Variants in ALG1L2 observed in about 807,000 individuals in gnomAD.
The protein encoded by ALG1L2 is putative glycosyltransferase ALG1L2.
In ALG1L2, 32 loss-of-function variants were observed where a neutral mutation model predicts 29.0. The observed-to-expected ratio is 1.10, with a 90% confidence interval of 0.83 to 1.48. The LOEUF is 1.48. Among genes scored for constraint, ALG1L2 ranks in the 40% most tolerant of loss-of-function variants. The pLI is 0.00. For synonymous variants in ALG1L2, 110 were observed against 109.5 expected, an observed-to-expected ratio of 1.00 and a Z score of -0.03; for missense variants, 318 against 274.1, an observed-to-expected ratio of 1.16 and a Z score of -1.13.
intron 1 of ALG1L2, chr3:130,090,985 C>T: frequency 2.3e-6 from 1 of 438,090 alleles, no homozygotes; most frequent in African/African-American, 2.0e-5. Flanking sequence ...TCTTATCTGT[C>T]CTGTTGTCCA....
intron 1 of ALG1L2, among the ~76,000 whole-genome samples, chr3:130,086,314 C>A (rs147898001): frequency 0.22 from 26,498 of 122,008 alleles, 968 homozygotes; most frequent in Middle Eastern, 0.25. Flanking sequence ...AAGTGTCAAG[C>A]CAGGCATCAC....
chr3:130,096,508 G>A (rs1293461543), intron 6 of ALG1L2, among the ~76,000 whole-genome samples: 4 of 151,844 alleles, frequency 2.6e-5, no homozygotes, highest in Non-Finnish European at 5.9e-5. Flanking sequence ...AGTAGAATTG[G>A]CGGGAATTGC....
intron 1 of ALG1L2, among the ~76,000 whole-genome samples, chr3:130,088,758 T>C (rs889876833): frequency 6.6e-6 from 1 of 152,282 alleles, no homozygotes; most frequent in Non-Finnish European, 1.5e-5. Flanking sequence ...CCTGCACAAC[T>C]CTCTTGCCTG....
At chr3:130,092,450 T>A (rs1435888165) in intron 3 of ALG1L2, among the ~76,000 whole-genome samples, 1 of 152,130 alleles carries the variant, frequency 6.6e-6, no homozygotes, top group Non-Finnish European at 1.5e-5. Context: ...AGAAAGTAGG[T>A]GTGTGGCTGC....
chr3:130,091,381 C>A lies in ALG1L2; in HGVS notation c.131+10C>A, dbSNP rs772933598. 24 of 1,595,166 alleles carry A rather than the reference C, an allele frequency of 1.5e-5. No homozygotes were observed. The Admixed American group carries it at 1.8e-4, about 12-fold the overall frequency. ...CTCCGTTCAGGGCCCGGTAGGCCTC[C>A]CACCCTCAGCTGCCTTCTCTCCTGC... On this transcript the variant is annotated intron_variant, in intron 2 of 7. Transcript: ENST00000425059.
At chr3:130,085,469 T>C (rs1934869913) in intron 1 of ALG1L2, among the ~76,000 whole-genome samples, 1 of 130,966 alleles carries the variant, frequency 7.6e-6, no homozygotes, top group African/African-American at 2.5e-5. Flanking sequence ...AAACTTGGCC[T>C]CAAGTGATCC....
intron 4 of ALG1L2, among the ~76,000 whole-genome samples, chr3:130,093,695 A>C (rs1438254526): frequency 6.6e-6 from 1 of 152,174 alleles, no homozygotes; most frequent in Non-Finnish European, 1.5e-5. Flanking sequence ...ATATGCTGAA[A>C]TTATAGATAT....
rs189708058 is a variant in ALG1L2 at position 130,084,891 on chromosome 3, A to G, written c.20+2855A>G. Among the ~76,000 whole-genome samples, 67 of 130,486 alleles carry G rather than the reference A, an allele frequency of 5.1e-4. No individual in the cohort carries two copies. The East Asian group carries it at 0.014, about 26-fold the overall frequency. The allele number at this position is 130,486 out of a possible 152,430, so 85.6% of individuals were successfully genotyped here. A position where few individuals can be genotyped will look rare whatever the true frequency, so the allele number is the denominator to read the frequency against. On this transcript the variant is annotated intron_variant, in intron 1 of 7. Coordinates refer to ENST00000425059, the MANE Select transcript of ALG1L2 (RefSeq NM_001136152.1). Reference sequence around the variant, plus strand: ...TCCATATATCTATGTCTATATCTACACACAAAAATACACATATATGTAGTG... The same window carrying G: ...TCCATATATCTATGTCTATATCTACGCACAAAAATACACATATATGTAGTG...
rs368914123 is a variant in ALG1L2, at chr3:130,092,182, C to A, written c.213C>A (p.His71Gln). ...DSGSGLVTRL[H>Q]ERPALLVSST... ...GGAGCGGGCTGGTGACGCGTCTCCA[C>A]GAGCGGCCAGCCCTGCTGGTCAGCA... is the stretch of plus-strand genomic sequence containing the variant. The change falls in exon 3 of 8, where the codon CAC becomes CAA. Residue 71 changes from histidine (H) to glutamine (Q), a missense_variant. Coordinates refer to ENST00000425059, the MANE Select transcript of ALG1L2 (RefSeq NM_001136152.1). 3 of 1,612,338 alleles carry A rather than the reference C, an allele frequency of 1.9e-6. No individual in the cohort carries two copies. Among genetic ancestry groups the A allele is most frequent in the Admixed American group, 1.7e-5 (1 of 59,906 alleles).
At position 130,083,411 on chromosome 3, in the gene ALG1L2, C is replaced by T. The variant is rs540952647; in HGVS notation, c.20+1375C>T. Among the ~76,000 whole-genome samples, 17 of 128,748 alleles carry T rather than the reference C, an allele frequency of 1.3e-4. 4 individuals are homozygous for T. In the South Asian group the frequency reaches 4.3e-3, roughly 32 times the overall value. 84.5% of individuals were successfully genotyped at this position (128,748 alleles called of 152,430 possible). On this transcript the variant is annotated intron_variant, in intron 1 of 7. Transcript: ENST00000425059. ...GTGAGCTGAGATCTCACCCTGCACT[C>T]CAGCCTGGGCAAGAGAGCAAGACTC...
chr3:130,083,211 C>T (rs200242399), intron 1 of ALG1L2, among the ~76,000 whole-genome samples: 3,905 of 134,292 alleles, frequency 0.029, 31 homozygotes, highest in African/African-American at 0.062. Flanking sequence ...TTTGGGGGGC[C>T]GAGGTGGGTG....
intron 1 of ALG1L2, among the ~76,000 whole-genome samples, chr3:130,082,262 C>T (rs370532584): frequency 7.9e-5 from 11 of 139,802 alleles, no homozygotes; most frequent in Admixed American, 1.5e-4. Context: ...CACAGGGTCC[C>T]GAGCTGAGAG....
At chr3:130,094,714 C>G (rs1577329723) in intron 5 of ALG1L2, among the ~76,000 whole-genome samples, 1 of 152,192 alleles carries the variant, frequency 6.6e-6, no homozygotes, top group African/African-American at 2.4e-5. Flanking sequence ...GGCCCTTTAC[C>G]AAGGGGTTTG....
chr3:130,085,342 T>C (rs371587441), intron 1 of ALG1L2, among the ~76,000 whole-genome samples: 2 of 123,824 alleles, frequency 1.6e-5, no homozygotes, highest in Non-Finnish European at 1.8e-5. Flanking sequence ...GTGATCCTCC[T>C]GCCTCAGCCT....
intron 4 of ALG1L2, chr3:130,094,111 C>T (rs1037466676): frequency 2.2e-6 from 1 of 452,574 alleles, no homozygotes; most frequent in Non-Finnish European, 4.1e-6. Flanking sequence ...AGGCTGGGCC[C>T]ACCCAGTGGG....
Position 130,081,869 on chromosome 3 carries a change from C to A in ALG1L2, c.-148C>A, listed in dbSNP as rs1199686508. 104 of 1,113,984 alleles carry A rather than the reference C, an allele frequency of 9.3e-5. No homozygotes were observed. Among genetic ancestry groups the A allele is most frequent in the Non-Finnish European group, 1.3e-4 (101 of 759,772 alleles). The allele number at this position is 1,113,984 out of a possible 1,614,324, so 69.0% of individuals were successfully genotyped here. A position where few individuals can be genotyped will look rare whatever the true frequency, so the allele number is the denominator to read the frequency against. ...CCAGGAGGTAACCAGGTGGAAATCA[C>A]CCTCAAGTAGCAGAGACAGGTGTGC... On this transcript the variant is annotated 5_prime_UTR_variant, in exon 1 of 8. Transcript: ENST00000425059.
intron 1 of ALG1L2, among the ~76,000 whole-genome samples, chr3:130,088,629 G>T (rs545073490): frequency 6.6e-6 from 1 of 152,398 alleles, no homozygotes; most frequent in East Asian, 1.9e-4. Flanking sequence ...TTTTGGCCAG[G>T]CTGGTCTCAA....
At chr3:130,093,678 C>T (rs2108122282) in intron 4 of ALG1L2, among the ~76,000 whole-genome samples, 1 of 152,244 alleles carries the variant, frequency 6.6e-6, no homozygotes, top group Non-Finnish European at 1.5e-5. Flanking sequence ...CCCGCCTTGG[C>T]CTCCCAATAT....
At chr3:130,090,968 A>C (rs1240793580) in intron 1 of ALG1L2, 7 of 403,350 alleles carry the variant, frequency 1.7e-5, no homozygotes, top group Non-Finnish European at 3.3e-5. Flanking sequence ...GTGCAGAGCC[A>C]TGTGTGTCTT....
Sources: allele counts gnomAD v4.1 joint callset (sites outside exome capture counted in the v4.1 genomes callset), GRCh38; gene constraint gnomAD v4.1.1; transcripts MANE v1.5; gene names NCBI Gene and HGNC (gene_info 2026-07-23, HGNC 2026-07-21).